The following PEAK1 variants were observed in gnomAD, a reference collection of about 807,000 sequenced individuals.
PEAK1 encodes inactive tyrosine-protein kinase PEAK1.
PEAK1 carries 54 observed loss-of-function variants against 124.7 expected under a neutral mutation model. The observed-to-expected ratio is 0.43, with a 90% CI of 0.35 to 0.54. The LOEUF (loss-of-function observed/expected upper bound fraction) is 0.54, where lower values mean the gene tolerates loss of function less well. PEAK1 is among the 20% of genes least tolerant of loss of function. PEAK1 has a pLI of 0.01. For synonymous variants in PEAK1, 719 were observed against 760.0 expected (o/e 0.95, Z 0.89); for missense variants, 2,046 against 2,134.5 (o/e 0.96, Z 0.82).
Position 77,179,962 on chromosome 15 carries a change from T to G in PEAK1, c.1965A>C (p.Glu655Asp). The G allele has an allele frequency of 6.2e-7, 1 of 1,614,140 alleles. No individual in the cohort carries two copies. Among genetic ancestry groups the G allele is most frequent in the African/African-American group, 1.3e-5 (1 of 75,044 alleles). ...TATGGCTTATTACACTTGTGGTTTTTTCCTTCACTGAGAGTTCTCCACTTG... is the reference window on the plus strand; with the variant it reads ...TATGGCTTATTACACTTGTGGTTTTGTCCTTCACTGAGAGTTCTCCACTTG... ...LGTSGELSVKEKTTSVISHTY... is the reference protein window; with the variant it reads ...LGTSGELSVKDKTTSVISHTY... The change falls in exon 7 of 10, where the codon GAA becomes GAC. Residue 655 changes from glutamate to aspartate, a missense_variant. Coordinates refer to ENST00000682557, the MANE Select transcript of PEAK1 (RefSeq NM_001385026.1).
chr15:77,280,896 C>A (rs192223684), intron 5 of PEAK1, among the ~76,000 whole-genome samples: 48 of 152,182 alleles, frequency 3.2e-4, no homozygotes, highest in African/African-American at 1.1e-3. Context: ...TGGTGGCTCA[C>A]ATCTGTAATC....
chr15:77,137,302 G>A (rs2053419774), intron 8 of PEAK1, among the ~76,000 whole-genome samples: 1 of 152,244 alleles, frequency 6.6e-6, no homozygotes, highest in Non-Finnish European at 1.5e-5. Flanking sequence ...GCTGTGAGAA[G>A]AGGGCCACTG....
intron 6 of PEAK1, among the ~76,000 whole-genome samples, chr15:77,243,381 A>G (rs967202385): frequency 6.6e-6 from 1 of 152,164 alleles, no homozygotes; most frequent in African/African-American, 2.4e-5. Context: ...CTGCATAAAC[A>G]TTTTCCTCAT....
At chr15:77,164,048 A>C (rs1250830654) in intron 7 of PEAK1, among the ~76,000 whole-genome samples, 1 of 152,168 alleles carries the variant, frequency 6.6e-6, no homozygotes, top group African/African-American at 2.4e-5. Flanking sequence ...TTTGTAATCT[A>C]CTGAAAGGGA....
intron 2 of PEAK1, among the ~76,000 whole-genome samples, chr15:77,306,105 G>C (rs1307211925): frequency 6.6e-6 from 1 of 152,178 alleles, no homozygotes; most frequent in East Asian, 1.9e-4. Flanking sequence ...TACTAGCAAA[G>C]ATTAGTACAT....
intron 1 of PEAK1, among the ~76,000 whole-genome samples, chr15:77,369,491 C>T (rs1420632675): frequency 6.6e-6 from 1 of 152,146 alleles, no homozygotes; most frequent in East Asian, 1.9e-4. Context: ...AATCAGTGAT[C>T]AAACTATAGC....
rs190096741 is a variant in PEAK1 at position 77,410,441 on chromosome 15, A to G, written c.-666+9565T>C. Reference sequence around the variant, plus strand: ...CACCCGTCTGTGATCATGTTTTTACAAAGTGGTATGATTTGTTTGGCTTGG... The same window carrying G: ...CACCCGTCTGTGATCATGTTTTTACGAAGTGGTATGATTTGTTTGGCTTGG... On this transcript the variant is annotated intron_variant, in intron 1 of 9. Coordinates refer to ENST00000682557, the MANE Select transcript of PEAK1 (RefSeq NM_001385026.1). 2.0e-4 allele frequency among the ~76,000 whole-genome samples: 31 copies of G among 152,330 alleles called. 1 individual carries two copies. The highest frequency in any genetic ancestry group is 8.8e-5 in the Non-Finnish European group (6 of 68,030).
chr15:77,141,716 GA>G (rs1369010622), intron 8 of PEAK1, among the ~76,000 whole-genome samples: 1 of 152,120 alleles, frequency 6.6e-6, no homozygotes, highest in East Asian at 1.9e-4. Context: ...GCGCAGAAGT[GA>G]ACACTTATAT....
intron 6 of PEAK1, among the ~76,000 whole-genome samples, chr15:77,236,198 C>T (rs2152903499): frequency 6.6e-6 from 1 of 152,316 alleles, no homozygotes; most frequent in East Asian, 1.9e-4. Flanking sequence ...GGTAGATCCA[C>T]TGACAGCTTG....
At chr15:77,314,084 G>A (rs1401522683) in intron 2 of PEAK1, among the ~76,000 whole-genome samples, 1 of 152,072 alleles carries the variant, frequency 6.6e-6, no homozygotes, top group Non-Finnish European at 1.5e-5. Flanking sequence ...TTGTGTCACT[G>A]ATGTATTTTA....
intron 9 of PEAK1, among the ~76,000 whole-genome samples, chr15:77,125,749 C>T (rs1014337910): frequency 9.2e-5 from 14 of 152,212 alleles, no homozygotes; most frequent in Non-Finnish European, 1.9e-4. Context: ...ACCTAGGCAC[C>T]GCTTGGGGTA....
At chr15:77,400,460 T>C (rs1490201632) in intron 1 of PEAK1, among the ~76,000 whole-genome samples, 2 of 152,004 alleles carry the variant, frequency 1.3e-5, no homozygotes, top group African/African-American at 2.4e-5. Context: ...ATATACACAA[T>C]GGAGTACTAT....
chr15:77,402,957 T>C, intron 1 of PEAK1: 1 of 985,432 alleles, frequency 1.0e-6, no homozygotes, highest in Non-Finnish European at 1.2e-6. Flanking sequence ...AAGATCACTT[T>C]GAAATGCAGT....
intron 2 of PEAK1, among the ~76,000 whole-genome samples, chr15:77,296,653 A>G (rs1223626237): frequency 1.3e-5 from 2 of 151,438 alleles, no homozygotes; most frequent in Non-Finnish European, 2.9e-5. Context: ...TGACAAATTG[A>G]AAAAAAAGTA....
At chr15:77,357,281 C>T (rs2067580685) in intron 2 of PEAK1, among the ~76,000 whole-genome samples, 1 of 152,172 alleles carries the variant, frequency 6.6e-6, no homozygotes. Context: ...GTTTTGTTTT[C>T]TTTTTTTAAA....
chr15:77,234,197 G>T (rs1180445297), intron 6 of PEAK1, among the ~76,000 whole-genome samples: 1 of 152,086 alleles, frequency 6.6e-6, no homozygotes, highest in Non-Finnish European at 1.5e-5. Flanking sequence ...TAAACCTTAT[G>T]CATAAAAGTT....
At chr15:77,345,863 TACA>T in intron 2 of PEAK1, 13 of 954,182 alleles carry the variant, frequency 1.4e-5, no homozygotes, top group Non-Finnish European at 1.6e-5. Context: ...CCAAAATATG[TACA>T]ACAATTACAT....
intron 7 of PEAK1, among the ~76,000 whole-genome samples, chr15:77,173,864 C>CATTA (rs1213048477): frequency 6.6e-6 from 1 of 152,152 alleles, no homozygotes; most frequent in East Asian, 1.9e-4. Flanking sequence ...GAGAAGTCTG[C>CATTA]ATTAAGCTGA....
chr15:77,310,929 T>C (rs1357212517), intron 2 of PEAK1, among the ~76,000 whole-genome samples: 1 of 152,172 alleles, frequency 6.6e-6, no homozygotes, highest in African/African-American at 2.4e-5. Flanking sequence ...GAGAAGTAAG[T>C]AGATAGGAAC....
Sources: gnomAD v4.1 joint callset for allele counts (sites outside exome capture counted in the v4.1 genomes callset) on GRCh38, gnomAD v4.1.1 for gene constraint, MANE v1.5 for transcripts, NCBI Gene and HGNC (gene_info 2026-07-23, HGNC 2026-07-21) for gene names.